Variants in KIAA0825 observed in about 807,000 individuals in gnomAD.
The protein encoded by KIAA0825 is KIAA0825, also known as uncharacterized protein KIAA0825.
A neutral mutation model predicts 147.6 loss-of-function variants in KIAA0825; 119 were observed. That is an observed-to-expected ratio of 0.81 (90% CI 0.69 to 0.94). The LOEUF (loss-of-function observed/expected upper bound fraction) is 0.94, where lower values mean the gene tolerates loss of function less well. Ranked by LOEUF, KIAA0825 falls within the 40% of genes least tolerant of loss-of-function variation. The pLI is 0.00. For missense variants in KIAA0825, 1,381 were observed against 1,472.7 expected (o/e 0.94, Z 1.02); for synonymous variants, 470 against 518.1 (o/e 0.91, Z 1.26).
chr5:94,231,676 G>A (rs1774710864), intron 20 of KIAA0825, among the ~76,000 whole-genome samples: 1 of 152,030 alleles, frequency 6.6e-6, no homozygotes, highest in South Asian at 2.1e-4. Context: ...AAGATATTAA[G>A]ATTCTAATCA....
At chr5:94,540,058 T>C (rs1428121025) in intron 2 of KIAA0825, among the ~76,000 whole-genome samples, 1 of 152,146 alleles carries the variant, frequency 6.6e-6, no homozygotes, top group African/African-American at 2.4e-5. Flanking sequence ...TTTTGAACAA[T>C]GGATAGGTCT....
chr5:94,498,065 A>G (rs1166470706), intron 5 of KIAA0825, among the ~76,000 whole-genome samples: 2 of 152,156 alleles, frequency 1.3e-5, no homozygotes, highest in East Asian at 3.9e-4. Context: ...AGGTAATCTT[A>G]CACATAACTG....
intron 10 of KIAA0825, among the ~76,000 whole-genome samples, chr5:94,467,627 G>A (rs1760715748): frequency 6.6e-6 from 1 of 152,178 alleles, no homozygotes; most frequent in South Asian, 2.1e-4. Context: ...TTAGAAAATG[G>A]AAATAATGTA....
At chr5:94,601,055 G>A (rs1561378550) in intron 1 of KIAA0825, among the ~76,000 whole-genome samples, 1 of 152,176 alleles carries the variant, frequency 6.6e-6, no homozygotes, top group Non-Finnish European at 1.5e-5. Flanking sequence ...GGCAGAAAGA[G>A]TACCGCAGCA....
At chr5:94,189,286 T>G (rs1301594211) in intron 20 of KIAA0825, among the ~76,000 whole-genome samples, 1 of 152,160 alleles carries the variant, frequency 6.6e-6, no homozygotes, top group Non-Finnish European at 1.5e-5. Context: ...CCATTTTAAC[T>G]TCATTTCTCT....
At chr5:94,255,597 T>G (rs17377080) in intron 20 of KIAA0825, among the ~76,000 whole-genome samples, 11,930 of 152,080 alleles carry the variant, frequency 0.078, 694 homozygotes, top group Non-Finnish European at 0.12. Context: ...TGGTTTTTAT[T>G]TTTTAAAATT....
chr5:94,200,959 ATATATATATATATATATATATATATG>A (rs1434492618), intron 20 of KIAA0825, among the ~76,000 whole-genome samples: 2 of 140,808 alleles, frequency 1.4e-5, no homozygotes, highest in Non-Finnish European at 3.1e-5. Context: ...ATATATATAT[ATATATATATATATATATATATATATG>A]TATATCAGGA....
chr5:94,537,155 A>G (rs747740577), intron 2 of KIAA0825, 28 bp from the exon 3 acceptor site: 2 of 1,578,308 alleles, frequency 1.3e-6, no homozygotes, highest in Non-Finnish European at 1.7e-6. Flanking sequence ...ATAATAAAAC[A>G]TGTCAGTTCC....
rs1435838909 is a variant in KIAA0825 at position 94,516,477 on chromosome 5, A to C, written c.970+3771T>G. Among the ~76,000 whole-genome samples the C allele has an allele frequency of 2.0e-5, 3 of 152,248 alleles. No homozygotes were observed. The East Asian group carries it at 5.8e-4, about 29-fold the overall frequency. On this transcript the variant is annotated intron_variant, in intron 5 of 20. Coordinates refer to ENST00000682413, the MANE Select transcript of KIAA0825 (RefSeq NM_001145678.3). ...AAAAAGAAAAGCAAAACACTGAATCAGTGTAGAAGACAGAAATAATGTAAC... is the reference window on the plus strand; with the variant it reads ...AAAAAGAAAAGCAAAACACTGAATCCGTGTAGAAGACAGAAATAATGTAAC...
chr5:94,157,353 T>C (rs954084039), intron 20 of KIAA0825, among the ~76,000 whole-genome samples: 1 of 152,156 alleles, frequency 6.6e-6, no homozygotes, highest in African/African-American at 2.4e-5. Context: ...GAGACTCCAC[T>C]GATCTGTACC....
At chr5:94,355,969 A>G (rs1784197308) in intron 20 of KIAA0825, among the ~76,000 whole-genome samples, 2 of 152,224 alleles carry the variant, frequency 1.3e-5, no homozygotes, top group South Asian at 4.1e-4. Flanking sequence ...AAACCTTAAT[A>G]TGCACATGAA....
intron 13 of KIAA0825, among the ~76,000 whole-genome samples, chr5:94,452,177 T>C (rs1758498579): frequency 6.6e-6 from 1 of 152,162 alleles, no homozygotes; most frequent in Non-Finnish European, 1.5e-5. Flanking sequence ...CATATGGAAA[T>C]AGGCACACAT....
rs566047424 is a variant in KIAA0825 at position 94,346,398 on chromosome 5, G to C, written c.3710+37970C>G. On this transcript the variant is annotated intron_variant, in intron 20 of 20. Transcript: ENST00000682413. ...TTTTAAGATAATGATTTTCCAGATC[G>C]ACTGCAAGAACAAACCAGCAATCCC... 7.2e-5 allele frequency among the ~76,000 whole-genome samples: 11 copies of C among 152,126 alleles called. No individual in the cohort carries two copies. The East Asian group carries it at 2.1e-3, about 29-fold the overall frequency.
chr5:94,364,475 G>A (rs867728061), intron 20 of KIAA0825, among the ~76,000 whole-genome samples: 4 of 151,730 alleles, frequency 2.6e-5, no homozygotes, highest in South Asian at 2.1e-4. Flanking sequence ...TCTGCCTCCC[G>A]GGTTCACGCC....
At chr5:94,358,975 CTATT>C (rs1347631273) in intron 20 of KIAA0825, among the ~76,000 whole-genome samples, 2 of 152,068 alleles carry the variant, frequency 1.3e-5, no homozygotes, top group Non-Finnish European at 1.5e-5. Flanking sequence ...GAAATGAAAA[CTATT>C]TAGCAATTTA....
chr5:94,299,061 A>C (rs2150177188), intron 20 of KIAA0825, among the ~76,000 whole-genome samples: 1 of 152,224 alleles, frequency 6.6e-6, no homozygotes, highest in Middle Eastern at 3.4e-3. Flanking sequence ...CCAACAAAGC[A>C]AAAGGCTTTA....
chr5:94,252,024 A>T (rs1775988727), intron 20 of KIAA0825, among the ~76,000 whole-genome samples: 1 of 152,072 alleles, frequency 6.6e-6, no homozygotes, highest in Non-Finnish European at 1.5e-5. Flanking sequence ...TCTGTATAAT[A>T]TAAAGCAATA....
At chr5:94,461,473 C>T (rs990526410) in intron 12 of KIAA0825, among the ~76,000 whole-genome samples, 1 of 151,900 alleles carries the variant, frequency 6.6e-6, no homozygotes, top group African/African-American at 2.4e-5. Flanking sequence ...ATTTATCTTA[C>T]AGTTTCTTCC....
chr5:94,431,655 A>G (rs1388553563), intron 14 of KIAA0825, among the ~76,000 whole-genome samples: 2 of 152,222 alleles, frequency 1.3e-5, no homozygotes. Context: ...GAAATGGTCT[A>G]GGCATAAAAA....
Sources: gnomAD v4.1 joint callset for allele counts (sites outside exome capture counted in the v4.1 genomes callset) on GRCh38, gnomAD v4.1.1 for gene constraint, MANE v1.5 for transcripts, NCBI Gene and HGNC (gene_info 2026-07-23, HGNC 2026-07-21) for gene names.